TRHR: variants seen among roughly 807,000 people sequenced by gnomAD.
The protein encoded by TRHR is thyrotropin-releasing hormone receptor.
A neutral mutation model predicts 28.0 loss-of-function variants in TRHR; 14 were observed. The ratio of observed to expected loss-of-function variants is 0.50; its 90% CI spans 0.33 to 0.78. TRHR has a LOEUF of 0.78. Among genes scored for constraint, TRHR ranks in the 30% least tolerant of loss-of-function variants. The pLI is 0.02. For synonymous variants in TRHR, 176 were observed against 171.9 expected, an observed-to-expected ratio of 1.02 and a Z score of -0.18; for missense variants, 438 against 469.5, an observed-to-expected ratio of 0.93 and a Z score of 0.62.
In TRHR at chr8:109,119,366, A is replaced by G; in HGVS notation, c.1108A>G (p.Ile370Val). Reference sequence around the variant, plus strand: ...CCATTTCAGCACAGAGCTTGATGATATCACTGTCACTGACACTTACCTGTC... The same window carrying G: ...CCATTTCAGCACAGAGCTTGATGATGTCACTGTCACTGACACTTACCTGTC... The part of the protein sequence containing the change: ...SDHFSTELDD[I>V]TVTDTYLSAT... Residue 370 changes from isoleucine (I) to valine (V), a missense_variant, in exon 3 of 3, where the codon ATC (isoleucine) becomes GTC (valine). Physicochemically the swap from Ile to Val is conservative, Grantham distance 29. Transcript: ENST00000518632. 6.2e-7 allele frequency: 1 copy of G among 1,612,444 alleles called. No homozygotes were observed. Among genetic ancestry groups the G allele is most frequent in the Non-Finnish European group, 8.5e-7 (1 of 1,179,046 alleles).
At chr8:109,103,614 AG>A (rs1446684507) in intron 2 of TRHR, among the ~76,000 whole-genome samples, 1 of 152,160 alleles carries the variant, frequency 6.6e-6, no homozygotes, top group African/African-American at 2.4e-5. Flanking sequence ...AGCATCATGC[AG>A]AATGTTTGGT....
chr8:109,116,840 G>A (rs1811929717), intron 2 of TRHR, among the ~76,000 whole-genome samples: 1 of 151,942 alleles, frequency 6.6e-6, no homozygotes, highest in Non-Finnish European at 1.5e-5. Flanking sequence ...ATACCCTGAA[G>A]GAGTTTACTA....
At chr8:109,099,533 T>C (rs1377330417) in intron 2 of TRHR, among the ~76,000 whole-genome samples, 1 of 152,208 alleles carries the variant, frequency 6.6e-6, no homozygotes, top group Non-Finnish European at 1.5e-5. Flanking sequence ...ACAGAAGTCA[T>C]GGTCTTGCCA....
chr8:109,112,018 G>A (rs1811841936), intron 2 of TRHR, among the ~76,000 whole-genome samples: 1 of 152,098 alleles, frequency 6.6e-6, no homozygotes, highest in Admixed American at 6.6e-5. Flanking sequence ...ACTTAAGATT[G>A]CCCTGGAATT....
intron 2 of TRHR, among the ~76,000 whole-genome samples, chr8:109,111,096 G>A (rs1811825443): frequency 6.6e-6 from 1 of 150,398 alleles, no homozygotes; most frequent in African/African-American, 2.5e-5. Context: ...AGTTTGCAGT[G>A]AGCCGAGATC....
At chr8:109,103,751 T>G (rs1396291915) in intron 2 of TRHR, among the ~76,000 whole-genome samples, 1 of 152,154 alleles carries the variant, frequency 6.6e-6, no homozygotes, top group Non-Finnish European at 1.5e-5. Flanking sequence ...GAATAACAGT[T>G]TCTGTTGCTG....
intron 2 of TRHR, among the ~76,000 whole-genome samples, chr8:109,095,052 G>A (rs926746093): frequency 1.3e-5 from 2 of 151,488 alleles, no homozygotes; most frequent in Non-Finnish European, 2.9e-5. Context: ...TATAATGCTC[G>A]AGCTGGGTCA....
At position 109,113,550 on chromosome 8, in the gene TRHR, G is replaced by A. The variant is rs549974926; in HGVS notation, c.790-5498G>A. On this transcript the variant is annotated intron_variant, in intron 2 of 2. Transcript: ENST00000518632. ...CTAGATGGTATCCTGCAACAGAAAC[G>A]GGACTTTGGGTAAAATGTAAGGAAA... Among the ~76,000 whole-genome samples, 86 of 152,132 alleles carry A rather than the reference G, an allele frequency of 5.7e-4. 1 individual carries two copies. In the South Asian group the frequency reaches 0.017, roughly 31 times the overall value.
chr8:109,103,774 C>T (rs1811711375), intron 2 of TRHR, among the ~76,000 whole-genome samples: 1 of 152,170 alleles, frequency 6.6e-6, no homozygotes, highest in African/African-American at 2.4e-5. Flanking sequence ...TCCTCCTCAA[C>T]TGCATCCACT....
Position 109,114,612 on chromosome 8 carries a change from A to G in TRHR, c.790-4436A>G, listed in dbSNP as rs371635878. On this transcript the variant is annotated intron_variant, in intron 2 of 2. Transcript: ENST00000518632. ...TACATGGTCTGCAATTGGAATTTGC[A>G]CATTAAATTACTTCTAGTCCCATGA... 7.9e-5 allele frequency among the ~76,000 whole-genome samples: 12 copies of G among 152,214 alleles called. No individual in the cohort carries two copies. In the East Asian group the frequency reaches 1.7e-3, roughly 22 times the overall value.
chr8:109,090,962 C>A (rs2129870592), intron 2 of TRHR, among the ~76,000 whole-genome samples: 1 of 150,498 alleles, frequency 6.6e-6, no homozygotes, highest in Non-Finnish European at 1.5e-5. Context: ...ACAGAGAAGG[C>A]TGTGGAGGAT....
rs761889154 is a variant in TRHR at position 109,087,727 on chromosome 8, T to A, written c.215T>A (p.Leu72His). 2 of 1,614,142 alleles carry A rather than the reference T, an allele frequency of 1.2e-6. No individual in the cohort carries two copies. Among genetic ancestry groups the A allele is most frequent in the South Asian group, 2.2e-5 (2 of 91,072 alleles). ...CTGGTGAGCCTGGCAGTAGCTGATC[T>A]CATGGTCTTGGTGGCCGCAGGCCTC... Reference protein sequence around the residue: ...CYLVSLAVADLMVLVAAGLPN... With the variant: ...CYLVSLAVADHMVLVAAGLPN... The change falls in exon 2 of 3, where the codon CTC becomes CAC. Residue 72 changes from leucine (L) to histidine (H), a missense_variant. By Grantham distance (99) the Leu-to-His change is moderately conservative. Transcript: ENST00000518632.
chr8:109,112,165 TAGA>T (rs1811844107), intron 2 of TRHR, among the ~76,000 whole-genome samples: 1 of 152,088 alleles, frequency 6.6e-6, no homozygotes, highest in South Asian at 2.1e-4. Context: ...CAATAACACA[TAGA>T]AGGACAAAGC....
chr8:109,120,790 A>C lies in TRHR; in HGVS notation c.*1335A>C, dbSNP rs1182814222. 1.3e-5 allele frequency among the ~76,000 whole-genome samples: 2 copies of C among 151,538 alleles called. No individual in the cohort carries two copies. Among genetic ancestry groups the C allele is most frequent in the Non-Finnish European group, 3.0e-5 (2 of 67,774 alleles). On this transcript the variant is annotated 3_prime_UTR_variant, in exon 3 of 3. Coordinates refer to ENST00000518632, the MANE Select transcript of TRHR (RefSeq NM_003301.7). ...TCCTACCTGAATCTCTTACCTATTGAGATTTGGCCAACCAGAATCTCCGAG... is the reference window on the plus strand; with the variant it reads ...TCCTACCTGAATCTCTTACCTATTGCGATTTGGCCAACCAGAATCTCCGAG...
intron 2 of TRHR, among the ~76,000 whole-genome samples, chr8:109,102,136 A>C (rs1269408316): frequency 1.3e-5 from 2 of 152,190 alleles, no homozygotes; most frequent in African/African-American, 2.4e-5. Context: ...GGAAAAACTA[A>C]AAAGAGGGTA....
chr8:109,103,840 C>T (rs1811712953), intron 2 of TRHR, among the ~76,000 whole-genome samples: 1 of 152,114 alleles, frequency 6.6e-6, no homozygotes, highest in Non-Finnish European at 1.5e-5. Flanking sequence ...TCACTGTTCC[C>T]ATCATTAACA....
At chr8:109,118,904 G>A (rs914744375) in intron 2 of TRHR, 144 bp from the exon 3 acceptor site, 2 of 1,024,340 alleles carry the variant, frequency 2.0e-6, no homozygotes, top group Non-Finnish European at 3.0e-6. Flanking sequence ...TGCTTCCTGG[G>A]ATCACCTCCC....
intron 2 of TRHR, among the ~76,000 whole-genome samples, chr8:109,098,045 T>A (rs1350652357): frequency 1.3e-5 from 2 of 152,176 alleles, no homozygotes; most frequent in African/African-American, 4.8e-5. Flanking sequence ...AGTTCCACTG[T>A]GTCCTCTCTG....
intron 2 of TRHR, among the ~76,000 whole-genome samples, chr8:109,103,620 TTTGG>T (rs1452117846): frequency 6.6e-6 from 1 of 152,120 alleles, no homozygotes; most frequent in Non-Finnish European, 1.5e-5. Flanking sequence ...ATGCAGAATG[TTTGG>T]TTGTTCCTTA....
Sources: gnomAD v4.1 joint callset for allele counts (sites outside exome capture counted in the v4.1 genomes callset) on GRCh38, gnomAD v4.1.1 for gene constraint, MANE v1.5 for transcripts, NCBI Gene and HGNC (gene_info 2026-07-23, HGNC 2026-07-21) for gene names.